Variants in EYA4 observed in about 807,000 individuals in gnomAD.
The protein encoded by EYA4 is EYA transcriptional coactivator and phosphatase 4, also known as protein phosphatase EYA4.
Under a neutral mutation model 87.9 loss-of-function variants are expected in EYA4, and 31 were observed. The ratio of observed to expected loss-of-function variants is 0.35; its 90% CI spans 0.27 to 0.48. The LOEUF is 0.48. Ranked by LOEUF, EYA4 falls within the 20% of genes least tolerant of loss-of-function variation. EYA4 has a pLI of 0.99. For missense variants in EYA4, 678 were observed against 761.4 expected (o/e 0.89, Z 1.29); for synonymous variants, 263 against 270.6 (o/e 0.97, Z 0.28).
intron 3 of EYA4, among the ~76,000 whole-genome samples, chr6:133,426,470 C>A (rs1278486558): frequency 6.6e-6 from 1 of 152,208 alleles, no homozygotes; most frequent in Non-Finnish European, 1.5e-5. Context: ...ATTTAACTTT[C>A]TTCCTGAATT....
chr6:133,317,898 G>A (rs918324518), intron 2 of EYA4, among the ~76,000 whole-genome samples: 9 of 126,712 alleles, frequency 7.1e-5, no homozygotes, highest in South Asian at 5.7e-4. Context: ...TCCATCCCCC[G>A]GTGCCCCATC....
At chr6:133,465,816 T>A (rs1007375980) in intron 10 of EYA4, among the ~76,000 whole-genome samples, 2 of 152,126 alleles carry the variant, frequency 1.3e-5, no homozygotes, top group African/African-American at 2.4e-5. Context: ...TTTATTGATA[T>A]CACAAAAGGC....
chr6:133,437,454 G>C (rs980094544), intron 3 of EYA4, among the ~76,000 whole-genome samples: 4 of 152,080 alleles, frequency 2.6e-5, no homozygotes, highest in African/African-American at 4.8e-5. Context: ...TATCCTCTCT[G>C]AGCCTCAATT....
intron 2 of EYA4, among the ~76,000 whole-genome samples, chr6:133,337,532 C>A (rs1364927479): frequency 6.6e-6 from 1 of 152,090 alleles, no homozygotes; most frequent in African/African-American, 2.4e-5. Context: ...TATTAGACAT[C>A]ATGGGTTTTG....
intron 1 of EYA4, among the ~76,000 whole-genome samples, chr6:133,269,593 A>G (rs1273113846): frequency 6.6e-6 from 1 of 152,238 alleles, no homozygotes; most frequent in Non-Finnish European, 1.5e-5. Flanking sequence ...GTGATCTAAT[A>G]AGGAAAGTAA....
At chr6:133,262,799 C>T (rs1775903414) in intron 1 of EYA4, among the ~76,000 whole-genome samples, 1 of 152,154 alleles carries the variant, frequency 6.6e-6, no homozygotes, top group African/African-American at 2.4e-5. Flanking sequence ...TCTTTATAGA[C>T]AGCTCAAAAA....
chr6:133,330,205 T>C (rs1781815536), intron 2 of EYA4, among the ~76,000 whole-genome samples: 1 of 152,044 alleles, frequency 6.6e-6, no homozygotes, highest in Admixed American at 6.6e-5. Context: ...CGTCTCCTTA[T>C]AGGATGTTGT....
At chr6:133,261,027 A>C (rs926413055) in intron 1 of EYA4, among the ~76,000 whole-genome samples, 1 of 152,330 alleles carries the variant, frequency 6.6e-6, no homozygotes, top group East Asian at 1.9e-4. Flanking sequence ...GTGATACCTG[A>C]AAGTCACATT....
intron 2 of EYA4, among the ~76,000 whole-genome samples, chr6:133,354,417 A>G (rs1783862407): frequency 6.6e-6 from 1 of 152,144 alleles, no homozygotes; most frequent in South Asian, 2.1e-4. Flanking sequence ...ATTAGTAATA[A>G]TAGAGGAAGA....
Position 133,462,318 on chromosome 6 carries a change from A to G in EYA4, c.438-17A>G, listed in dbSNP as rs746929566. ...CAGTCTTTGTTGCCACAGTAATGCT[A>G]TTTTTCTGATATTTAGGCCCTATCC... On this transcript the variant is annotated splice_polypyrimidine_tract_variant and intron_variant, in intron 7 of 19. Coordinates refer to ENST00000355286, the MANE Select transcript of EYA4 (RefSeq NM_004100.5). 25 of 1,613,602 alleles carry G rather than the reference A, an allele frequency of 1.5e-5. No homozygotes were observed. The highest frequency in any genetic ancestry group is 2.0e-5 in the Non-Finnish European group (24 of 1,179,726).
At chr6:133,270,334 C>T (rs930718971) in intron 1 of EYA4, among the ~76,000 whole-genome samples, 11 of 152,126 alleles carry the variant, frequency 7.2e-5, no homozygotes, top group Non-Finnish European at 1.2e-4. Context: ...TTTGTATAAC[C>T]GGAAATGCAC....
intron 13 of EYA4, among the ~76,000 whole-genome samples, chr6:133,498,915 T>G (rs58330046): frequency 3.9e-4 from 60 of 152,330 alleles, no homozygotes; most frequent in African/African-American, 1.3e-3. Flanking sequence ...CTGCGTGATC[T>G]CATGAATAGC....
At chr6:133,261,983 A>G (rs564843106) in intron 1 of EYA4, among the ~76,000 whole-genome samples, 1 of 152,340 alleles carries the variant, frequency 6.6e-6, no homozygotes, top group Non-Finnish European at 1.5e-5. Context: ...TAGTAAAAGC[A>G]AGTTTTCACA....
intron 1 of EYA4, among the ~76,000 whole-genome samples, chr6:133,251,823 T>C (rs1582747700): frequency 6.6e-6 from 1 of 152,298 alleles, no homozygotes; most frequent in Non-Finnish European, 1.5e-5. Flanking sequence ...TCATTTGATA[T>C]AGTCAAAAAA....
At chr6:133,306,447 C>G (rs1443359689) in intron 2 of EYA4, among the ~76,000 whole-genome samples, 1 of 152,164 alleles carries the variant, frequency 6.6e-6, no homozygotes, top group Non-Finnish European at 1.5e-5. Flanking sequence ...ACTTCCATTA[C>G]CTGGCACAGC....
At chr6:133,362,452 T>G (rs937304385) in intron 2 of EYA4, among the ~76,000 whole-genome samples, 6 of 151,902 alleles carry the variant, frequency 3.9e-5, no homozygotes, top group African/African-American at 1.5e-4. Context: ...TCACCCCTGT[T>G]GCCTCGCAAA....
At chr6:133,483,504 C>T (rs184463963) in intron 13 of EYA4, among the ~76,000 whole-genome samples, 1 of 151,852 alleles carries the variant, frequency 6.6e-6, no homozygotes, top group Admixed American at 6.6e-5. Flanking sequence ...ATAGCAATAG[C>T]GAGTAATCTT....
chr6:133,396,255 G>A (rs1446463649), intron 3 of EYA4, among the ~76,000 whole-genome samples: 1 of 152,148 alleles, frequency 6.6e-6, no homozygotes, highest in East Asian at 1.9e-4. Flanking sequence ...ATCTTTTCAA[G>A]AACATAGACA....
Position 133,483,217 on chromosome 6 carries a change from G to T in EYA4, c.1191+102G>T, listed in dbSNP as rs947297440. 2.2e-5 allele frequency: 18 copies of T among 824,328 alleles called. No homozygotes were observed. In the East Asian group the frequency reaches 3.7e-4, roughly 17 times the overall value. 51.1% of individuals were successfully genotyped at this position (824,328 alleles called of 1,614,324 possible). A position where few individuals can be genotyped will look rare whatever the true frequency, so the allele number is the denominator to read the frequency against. ...AAATTCTTTTAAGTGTTTTTTTATT[G>T]CAGTCTGTGAAATCTTCTCTTAATT... On this transcript the variant is annotated intron_variant, in intron 13 of 19. Transcript: ENST00000355286.
Sources: gnomAD v4.1 joint callset for allele counts (sites outside exome capture counted in the v4.1 genomes callset) on GRCh38, gnomAD v4.1.1 for gene constraint, MANE v1.5 for transcripts, NCBI Gene and HGNC (gene_info 2026-07-23, HGNC 2026-07-21) for gene names.